The following TMEM244 variants were observed in gnomAD, a reference collection of about 807,000 sequenced individuals.
TMEM244 encodes putative transmembrane protein 244.
TMEM244 carries 13 observed loss-of-function variants against 15.8 expected under a neutral mutation model. The ratio of observed to expected loss-of-function variants is 0.82; its 90% CI spans 0.53 to 1.30. The LOEUF (loss-of-function observed/expected upper bound fraction) is 1.30, where lower values mean the gene tolerates loss of function less well. TMEM244 is among the 50% of genes most tolerant of loss of function. TMEM244 has a pLI of 0.00. For synonymous variants in TMEM244, 45 were observed against 48.7 expected, an observed-to-expected ratio of 0.92 and a Z score of 0.32; for missense variants, 161 against 144.9, an observed-to-expected ratio of 1.11 and a Z score of -0.57.
intron 1 of TMEM244, among the ~76,000 whole-genome samples, chr6:129,852,925 G>C (rs1315767164): frequency 6.6e-6 from 1 of 152,070 alleles, no homozygotes; most frequent in Non-Finnish European, 1.5e-5. Flanking sequence ...GTGCTCCTCA[G>C]GTAGATCCCT....
rs1466929553 is a variant in TMEM244 at position 129,861,136 on chromosome 6, A to G, written c.33+20T>C. ...TAGGCAGCAACTGAAAGGCAATGCAAAGAAGTAATTTCTCTTTACCTTGCT... is the reference window on the plus strand; with the variant it reads ...TAGGCAGCAACTGAAAGGCAATGCAGAGAAGTAATTTCTCTTTACCTTGCT... On this transcript the variant is annotated intron_variant, in intron 1 of 4. Transcript: ENST00000368143. 12 of 1,613,512 alleles carry G rather than the reference A, an allele frequency of 7.4e-6. No individual in the cohort carries two copies. The Admixed American group carries it at 1.5e-4, about 20-fold the overall frequency.
At chr6:129,844,121 A>G (rs1776530677) in intron 2 of TMEM244, among the ~76,000 whole-genome samples, 1 of 152,200 alleles carries the variant, frequency 6.6e-6, no homozygotes, top group Admixed American at 6.5e-5. Flanking sequence ...GACACCTATT[A>G]TATGATACCA....
At chr6:129,853,619 A>G (rs573950716) in intron 1 of TMEM244, among the ~76,000 whole-genome samples, 3 of 152,278 alleles carry the variant, frequency 2.0e-5, no homozygotes, top group South Asian at 4.1e-4. Context: ...TTTGATCAAA[A>G]TATTTTGATA....
intron 1 of TMEM244, among the ~76,000 whole-genome samples, chr6:129,855,910 T>C (rs1480516): frequency 0.75 from 113,874 of 151,984 alleles, 43,554 homozygotes; most frequent in Non-Finnish European, 0.81. Context: ...TCCCCCAAAA[T>C]TTTTTAGCCA....
chr6:129,848,016 C>T (rs1025516638), intron 1 of TMEM244, among the ~76,000 whole-genome samples: 2 of 151,986 alleles, frequency 1.3e-5, no homozygotes, highest in Admixed American at 6.6e-5. Flanking sequence ...TCAGGTGATC[C>T]GCCTGCGTCA....
chr6:129,855,919 C>G (rs1193035322), intron 1 of TMEM244, among the ~76,000 whole-genome samples: 3 of 152,040 alleles, frequency 2.0e-5, no homozygotes, highest in Admixed American at 2.0e-4. Flanking sequence ...ATTTTTTAGC[C>G]ATTCATTAAC....
At chr6:129,842,971 T>TTTC (rs769489385) in intron 3 of TMEM244, among the ~76,000 whole-genome samples, 1 of 151,692 alleles carries the variant, frequency 6.6e-6, no homozygotes, top group Non-Finnish European at 1.5e-5. Flanking sequence ...TCTTATTGTT[T>TTTC]TTCTTCTGCA....
At position 129,860,323 on chromosome 6, in the gene TMEM244, T is replaced by A. The variant is rs550551827; in HGVS notation, c.33+833A>T. Among the ~76,000 whole-genome samples the A allele has an allele frequency of 2.0e-3, 307 of 152,274 alleles. 1 individual carries two copies. Among genetic ancestry groups the A allele is most frequent in the Non-Finnish European group, 3.5e-3 (237 of 68,016 alleles). On this transcript the variant is annotated intron_variant, in intron 1 of 4. Coordinates refer to ENST00000368143, the MANE Select transcript of TMEM244 (RefSeq NM_001010876.2). ...ACGAAGTTTAATAACCCCTTAAAAA[T>A]AAGCTTTTTAAAAATATTTTTCCTG...
intron 3 of TMEM244, among the ~76,000 whole-genome samples, chr6:129,836,532 C>A (rs1776410736): frequency 6.6e-6 from 1 of 152,156 alleles, no homozygotes; most frequent in African/African-American, 2.4e-5. Context: ...GATCACAGCT[C>A]CTCGCCAGTG....
intron 1 of TMEM244, among the ~76,000 whole-genome samples, chr6:129,848,809 T>G (rs1265150642): frequency 1.3e-5 from 2 of 152,194 alleles, no homozygotes; most frequent in Non-Finnish European, 2.9e-5. Flanking sequence ...TGAAATCAAT[T>G]AGTTTTTCTT....
chr6:129,853,229 C>G (rs1776658787), intron 1 of TMEM244, among the ~76,000 whole-genome samples: 1 of 152,278 alleles, frequency 6.6e-6, no homozygotes, highest in Admixed American at 6.5e-5. Context: ...TACTTAAGTA[C>G]TTCCTATTTC....
At chr6:129,834,708 C>T (rs1412832555) in intron 3 of TMEM244, among the ~76,000 whole-genome samples, 2 of 152,176 alleles carry the variant, frequency 1.3e-5, no homozygotes, top group East Asian at 3.8e-4. Context: ...CATACTAACT[C>T]CTTTTCTATT....
chr6:129,844,675 C>T (rs755197514), intron 2 of TMEM244, among the ~76,000 whole-genome samples: 30 of 152,182 alleles, frequency 2.0e-4, no homozygotes, highest in Non-Finnish European at 3.1e-4. Flanking sequence ...AAATCCGGTG[C>T]TCAGAGAATC....
At chr6:129,854,012 C>T (rs140898135) in intron 1 of TMEM244, among the ~76,000 whole-genome samples, 36 of 152,288 alleles carry the variant, frequency 2.4e-4, no homozygotes, top group African/African-American at 7.9e-4. Context: ...CTTGTTGTCG[C>T]ATTTAACAAC....
chr6:129,833,399 G>A (rs374550912), intron 4 of TMEM244, 61 bp downstream of exon 4: 3 of 1,551,204 alleles, frequency 1.9e-6, no homozygotes, highest in East Asian at 2.3e-5. Context: ...TCAGGAAGTG[G>A]TTTATGTCCA....
chr6:129,859,514 T>C (rs1562203165), intron 1 of TMEM244, among the ~76,000 whole-genome samples: 1 of 152,234 alleles, frequency 6.6e-6, no homozygotes, highest in Non-Finnish European at 1.5e-5. Flanking sequence ...TGTGTTGTGC[T>C]TCTGAGATTT....
At position 129,845,786 on chromosome 6, in the gene TMEM244, T is replaced by C. The variant is rs369901389; in HGVS notation, c.100A>G (p.Met34Val). The change falls in exon 2 of 5, where the codon ATG becomes GTG. Residue 34 changes from methionine (M) to valine (V), a missense_variant. Physicochemically the swap from Met to Val is conservative, Grantham distance 21. Coordinates refer to ENST00000368143, the MANE Select transcript of TMEM244 (RefSeq NM_001010876.2). ...ACTTACTCAAACATCACGCAGCCCA[T>C]GCTCAGGGACACATAGTACACAGTG... ...FYTVYYVSLS[M>V]GCVMFEVHEL... is the part of the protein sequence containing the mutation. The C allele has an allele frequency of 1.9e-6, 3 of 1,612,736 alleles. No homozygotes were observed. The highest frequency in any genetic ancestry group is 2.7e-5 in the African/African-American group (2 of 74,988).
chr6:129,835,148 C>A (rs916500), intron 3 of TMEM244, among the ~76,000 whole-genome samples: 55,752 of 151,916 alleles, frequency 0.37, 10,662 homozygotes, highest in South Asian at 0.5. Context: ...GTAATTCCAG[C>A]ACTTTGGGAG....
rs776685156 is a variant in TMEM244, at chr6:129,848,623, A to G, written c.34-2771T>C. On this transcript the variant is annotated intron_variant, in intron 1 of 4. Transcript: ENST00000368143. ...AATGTAGAGGTGTTGCCTGAGTTGA[A>G]GGCCCAAACATTGTGCGCATACATC... Among the ~76,000 whole-genome samples, 98 of 152,198 alleles carry G rather than the reference A, an allele frequency of 6.4e-4. 1 individual carries two copies. The highest frequency in any genetic ancestry group is 1.8e-4 in the Non-Finnish European group (12 of 68,018).
Sources: allele counts gnomAD v4.1 joint callset (sites outside exome capture counted in the v4.1 genomes callset), GRCh38; gene constraint gnomAD v4.1.1; transcripts MANE v1.5; gene names NCBI Gene and HGNC (gene_info 2026-07-23, HGNC 2026-07-21).